Variants in RALGPS2 observed in about 807,000 individuals in gnomAD.
RALGPS2 encodes ras-specific guanine nucleotide-releasing factor RalGPS2.
In RALGPS2, 43 loss-of-function variants were observed where a neutral mutation model predicts 86.8. The observed-to-expected ratio is 0.50, with a 90% CI of 0.39 to 0.64. The LOEUF is 0.64. Among genes scored for constraint, RALGPS2 ranks in the 30% least tolerant of loss-of-function variants. The probability of loss-of-function intolerance (pLI) is 0.00; values close to 1 mark genes in which losing one functional copy is unlikely to be tolerated. For synonymous variants in RALGPS2, 243 were observed against 231.3 expected, an observed-to-expected ratio of 1.05 and a Z score of -0.46; for missense variants, 536 against 694.6, an observed-to-expected ratio of 0.77 and a Z score of 2.57.
At chr1:178,805,550 G>T (rs10913629) in intron 4 of RALGPS2, among the ~76,000 whole-genome samples, 4,953 of 151,948 alleles carry the variant, frequency 0.033, 131 homozygotes, top group East Asian at 0.091. Flanking sequence ...TTTCCCCATT[G>T]CTTGTTTTTC....
At chr1:178,871,917 A>G (rs550483781) in intron 8 of RALGPS2, among the ~76,000 whole-genome samples, 1 of 152,348 alleles carries the variant, frequency 6.6e-6, no homozygotes, top group African/African-American at 2.4e-5. Flanking sequence ...GAAGAAATGA[A>G]TAAGTGTTGA....
intron 4 of RALGPS2, among the ~76,000 whole-genome samples, chr1:178,797,225 T>G (rs1654234828): frequency 6.6e-6 from 1 of 152,228 alleles, no homozygotes; most frequent in Non-Finnish European, 1.5e-5. Context: ...GTGGCATAAT[T>G]TATTTCCTGG....
At position 178,878,382 on chromosome 1, in the gene RALGPS2, T is replaced by C. The variant is rs1659087096; in HGVS notation, c.746-520T>C. Among the ~76,000 whole-genome samples, 3 of 152,188 alleles carry C rather than the reference T, an allele frequency of 2.0e-5. No individual in the cohort carries two copies. The South Asian group carries it at 6.2e-4, about 32-fold the overall frequency. On this transcript the variant is annotated intron_variant, in intron 9 of 19. Coordinates refer to ENST00000367635, the MANE Select transcript of RALGPS2 (RefSeq NM_152663.5). ...TTTTGCTTCATGCATCTATACTTTT[T>C]AGAAAACCTCAAAAACTTCCTAAAA...
At chr1:178,758,217 C>T (rs1309298770) in intron 1 of RALGPS2, among the ~76,000 whole-genome samples, 2 of 151,804 alleles carry the variant, frequency 1.3e-5, no homozygotes, top group South Asian at 2.1e-4. Context: ...CTCATATAAC[C>T]TTTCAAAGAA....
Position 178,738,352 on chromosome 1 carries a change from G to T in RALGPS2, c.-84+12933G>T, listed in dbSNP as rs540211023. Among the ~76,000 whole-genome samples, 122 of 152,054 alleles carry T rather than the reference G, an allele frequency of 8.0e-4. No individual in the cohort carries two copies. The Middle Eastern group carries it at 0.014, about 17-fold the overall frequency. On this transcript the variant is annotated intron_variant, in intron 1 of 19. Coordinates refer to ENST00000367635, the MANE Select transcript of RALGPS2 (RefSeq NM_152663.5). ...GCCTCCCAAATAGCTGGGATTACAG[G>T]CACATGCCACCATGCCTGGCTGATT...
intron 4 of RALGPS2, among the ~76,000 whole-genome samples, chr1:178,804,812 C>T (rs796786377): frequency 1.4e-5 from 1 of 71,926 alleles, no homozygotes; most frequent in African/African-American, 5.7e-5. Context: ...ATGGCTGGGT[C>T]AAATGGTATT....
chr1:178,725,726 C>T (rs571846393), intron 1 of RALGPS2: 8 of 152,280 alleles, frequency 5.3e-5, no homozygotes, highest in African/African-American at 1.9e-4. Flanking sequence ...CCCTTGAACC[C>T]GCCTCGCTCT....
At chr1:178,834,732 G>T (rs80237677) in intron 8 of RALGPS2, among the ~76,000 whole-genome samples, 5 of 152,164 alleles carry the variant, frequency 3.3e-5, no homozygotes, top group African/African-American at 1.2e-4. Context: ...AAGACATTCT[G>T]TATGTGCTTT....
At chr1:178,820,704 T>TCTAA (rs2102223481) in intron 6 of RALGPS2, among the ~76,000 whole-genome samples, 1 of 152,352 alleles carries the variant, frequency 6.6e-6, no homozygotes, top group East Asian at 1.9e-4. Context: ...GTATATGCAG[T>TCTAA]CTAATATGGT....
chr1:178,776,649 A>C (rs953919434), intron 1 of RALGPS2, 33 bp from the exon 2 acceptor site: 1 of 683,412 alleles, frequency 1.5e-6, no homozygotes, highest in Non-Finnish European at 2.3e-6. Context: ...ACTTCGAGGA[A>C]GACATTTGCT....
At chr1:178,902,082 G>A (rs2275100) in intron 17 of RALGPS2, 24 bp from the exon 18 acceptor site, 186,692 of 1,556,574 alleles carry the variant, frequency 0.12, 15,844 homozygotes, top group African/African-American at 0.45. Flanking sequence ...TTCTGTTTCC[G>A]CTAATTATCT....
intron 1 of RALGPS2, among the ~76,000 whole-genome samples, chr1:178,756,100 T>G (rs923644656): frequency 6.6e-6 from 1 of 152,214 alleles, no homozygotes; most frequent in Non-Finnish European, 1.5e-5. Context: ...GGTCAGTATT[T>G]TCTCCCATTC....
At position 178,784,400 on chromosome 1, in the gene RALGPS2, T is replaced by G; in HGVS notation, c.58-18T>G. Reference sequence around the variant, plus strand: ...TGAGACAGTATGTAAAAGGCTGCATTTTCTTTCACTTTAACAGAAAAGTAG... The same window carrying G: ...TGAGACAGTATGTAAAAGGCTGCATGTTCTTTCACTTTAACAGAAAAGTAG... On this transcript the variant is annotated intron_variant, in intron 2 of 19. Coordinates refer to ENST00000367635, the MANE Select transcript of RALGPS2 (RefSeq NM_152663.5). 6.3e-7 allele frequency: 1 copy of G among 1,580,060 alleles called. No individual in the cohort carries two copies.
intron 12 of RALGPS2, 150 bp downstream of exon 12, chr1:178,885,361 C>A: frequency 1.4e-6 from 1 of 735,264 alleles, no homozygotes; most frequent in South Asian, 2.4e-5. Flanking sequence ...GCCTTGTTTG[C>A]CTAAAAGCTT....
At chr1:178,806,802 T>G (rs1474291972) in intron 4 of RALGPS2, among the ~76,000 whole-genome samples, 2 of 152,174 alleles carry the variant, frequency 1.3e-5, no homozygotes, top group Non-Finnish European at 2.9e-5. Flanking sequence ...CCTCAGTTCT[T>G]TTTCTTTTTT....
intron 19 of RALGPS2, among the ~76,000 whole-genome samples, chr1:178,916,103 A>G (rs544489505): frequency 1.3e-5 from 2 of 152,154 alleles, no homozygotes; most frequent in Non-Finnish European, 2.9e-5. Flanking sequence ...CTTCTCCTGT[A>G]TAGATGTCAT....
rs1326383792 is a variant in RALGPS2 at position 178,917,623 on chromosome 1, A to G, written c.*1264A>G. ...TGAAAATTTACTGTCGGTCTCTGACATGAAACCGTATTTTGTCAGTAGTTG... is the reference window on the plus strand; with the variant it reads ...TGAAAATTTACTGTCGGTCTCTGACGTGAAACCGTATTTTGTCAGTAGTTG... On this transcript the variant is annotated 3_prime_UTR_variant, in exon 20 of 20. Transcript: ENST00000367635. 1 of 152,218 alleles carries G rather than the reference A, an allele frequency of 6.6e-6. No homozygotes were observed. The highest frequency in any genetic ancestry group is 1.5e-5 in the Non-Finnish European group (1 of 68,016). The allele number at this position is 152,218 out of a possible 1,614,324, so 9.4% of individuals were successfully genotyped here.
chr1:178,893,640 T>C (rs960310798), intron 15 of RALGPS2, among the ~76,000 whole-genome samples: 4 of 151,970 alleles, frequency 2.6e-5, no homozygotes, highest in Non-Finnish European at 5.9e-5. Context: ...ATTTAATATT[T>C]ACTAAAGTGA....
intron 1 of RALGPS2, among the ~76,000 whole-genome samples, chr1:178,731,971 A>G (rs1650391691): frequency 6.6e-6 from 1 of 152,118 alleles, no homozygotes; most frequent in Admixed American, 6.5e-5. Flanking sequence ...AAGCAGAAGG[A>G]TTAGCCTTTG....
Sources: gnomAD v4.1 joint callset for allele counts (sites outside exome capture counted in the v4.1 genomes callset) on GRCh38, gnomAD v4.1.1 for gene constraint, MANE v1.5 for transcripts, NCBI Gene and HGNC (gene_info 2026-07-23, HGNC 2026-07-21) for gene names.